Variants in MYO16 observed in about 807,000 individuals in gnomAD.
The protein encoded by MYO16 is myosin XVI.
In MYO16, 94 loss-of-function variants were observed where a neutral mutation model predicts 205.3. The observed-to-expected ratio is 0.46, with a 90% CI of 0.39 to 0.54. MYO16 has a LOEUF of 0.54. MYO16 is among the 20% of genes least tolerant of loss of function. The probability of loss-of-function intolerance (pLI) is 0.00; values close to 1 mark genes in which losing one functional copy is unlikely to be tolerated. For synonymous variants in MYO16, 988 were observed against 954.0 expected, an observed-to-expected ratio of 1.04 and a Z score of -0.66; for missense variants, 2,315 against 2,387.5, an observed-to-expected ratio of 0.97 and a Z score of 0.63.
At chr13:108,790,074 G>A (rs754416279) in intron 5 of MYO16, among the ~76,000 whole-genome samples, 1 of 152,154 alleles carries the variant, frequency 6.6e-6, no homozygotes, top group African/African-American at 2.4e-5. Context: ...CATAAGCAAA[G>A]GCAAGAAGGT....
chr13:108,740,728 C>G (rs1305383955), intron 4 of MYO16, among the ~76,000 whole-genome samples: 3 of 152,194 alleles, frequency 2.0e-5, no homozygotes, highest in East Asian at 1.9e-4. Context: ...GTCCTGCCCC[C>G]AGAGGTGGAG....
At chr13:108,588,314 C>T in the MYO16 span, among the ~76,000 whole-genome samples, 3 of 152,110 alleles carry the variant, frequency 2.0e-5, no homozygotes, top group African/African-American at 4.8e-5. Flanking sequence ...ACAAATGTGG[C>T]TATTTCCTAG....
rs558999738 is a variant in MYO16 at position 108,744,089 on chromosome 13, C to A, written c.507+16506C>A. ...TGTGGTAGAAAATCCCGGCCAAGCA[C>A]CTGAATATCAACTTTTCATGTAAAT... is the stretch of plus-strand genomic sequence containing the variant. On this transcript the variant is annotated intron_variant, in intron 4 of 34. Transcript: ENST00000457511. Among the ~76,000 whole-genome samples the A allele has an allele frequency of 9.2e-5, 14 of 152,298 alleles. No homozygotes were observed. The South Asian group carries it at 2.5e-3, about 27-fold the overall frequency.
At position 109,140,249 on chromosome 13, in the gene MYO16, C is replaced by G. The variant is rs1876978871; in HGVS notation, c.4052-15C>G. On this transcript the variant is annotated splice_polypyrimidine_tract_variant and intron_variant, in intron 31 of 34. Transcript: ENST00000457511. This position sits in a 1 kb window ranked among gnomAD's most constrained non-coding sequence, Gnocchi z 8.0. ...CTGGCCTGGCACCCACTGACCGCGT[C>G]CTTTCCTGCCGCAGCTCTGGCCCGG... is the stretch of plus-strand genomic sequence containing the variant. The G allele has an allele frequency of 3.8e-6, 6 of 1,597,596 alleles. No homozygotes were observed. The highest frequency in any genetic ancestry group is 4.5e-5 in the East Asian group (2 of 44,584).
intron 34 of MYO16, 36 bp downstream of exon 34, chr13:109,179,669 A>G (rs749010795): frequency 6.9e-5 from 105 of 1,514,808 alleles, no homozygotes; most frequent in East Asian, 2.3e-5. Context: ...TGCAGTGACA[A>G]ATGGAATTAA....
chr13:109,201,166 A>G (rs1442015052), intron 34 of MYO16, among the ~76,000 whole-genome samples: 1 of 152,066 alleles, frequency 6.6e-6, no homozygotes, highest in African/African-American at 2.4e-5. Flanking sequence ...TCACTGTTAC[A>G]TTAACTTTGA....
At chr13:108,753,740 C>T (rs1885328371) in intron 4 of MYO16, among the ~76,000 whole-genome samples, 1 of 152,108 alleles carries the variant, frequency 6.6e-6, no homozygotes, top group South Asian at 2.1e-4. Flanking sequence ...CTTTCTGGGC[C>T]ATCAGAATGA....
chr13:109,207,937 G>A lies in MYO16; in HGVS notation c.*1101G>A, dbSNP rs1161009706. 1 of 152,208 alleles carries A rather than the reference G, an allele frequency of 6.6e-6. No individual in the cohort carries two copies. Among genetic ancestry groups the A allele is most frequent in the Admixed American group, 6.5e-5 (1 of 15,280 alleles). The allele number at this position is 152,208 out of a possible 1,614,324, so 9.4% of individuals were successfully genotyped here. A position where few individuals can be genotyped will look rare whatever the true frequency, so the allele number is the denominator to read the frequency against. On this transcript the variant is annotated 3_prime_UTR_variant, in exon 35 of 35. Transcript: ENST00000457511. ...CCAGACCACCTTGTCTTGCTACTTG[G>A]AACTTTTTATTCATACCAGCCTTTG...
intron 17 of MYO16, among the ~76,000 whole-genome samples, chr13:108,959,976 G>GAAA (rs112435583): frequency 3.8e-4 from 48 of 126,632 alleles, no homozygotes; most frequent in African/African-American, 7.0e-4. Context: ...TGATTTAAAG[G>GAAA]AAAAAAAAAA....
chr13:108,900,088 A>G (rs1209418980), intron 15 of MYO16, among the ~76,000 whole-genome samples: 1 of 152,210 alleles, frequency 6.6e-6, no homozygotes, highest in Non-Finnish European at 1.5e-5. Context: ...CAAGAGGGAG[A>G]GAAAATAACT....
intron 1 of MYO16, among the ~76,000 whole-genome samples, chr13:108,655,154 T>C (rs1881186496): frequency 6.6e-6 from 1 of 152,224 alleles, no homozygotes; most frequent in Non-Finnish European, 1.5e-5. Context: ...CATAGGTCTT[T>C]ATGATAGCCG....
At chr13:109,099,293 T>C (rs1486226190) in intron 27 of MYO16, among the ~76,000 whole-genome samples, 1 of 152,104 alleles carries the variant, frequency 6.6e-6, no homozygotes, top group Admixed American at 6.5e-5. Flanking sequence ...TAGGCTAAAA[T>C]AAATATAAAA....
chr13:108,942,983 T>C (rs1882790116), intron 16 of MYO16, among the ~76,000 whole-genome samples: 1 of 152,198 alleles, frequency 6.6e-6, no homozygotes, highest in Non-Finnish European at 1.5e-5. Flanking sequence ...AACCTTGCTT[T>C]ATTCAGGTCT....
chr13:108,735,072 G>A (rs1380361407), intron 4 of MYO16, among the ~76,000 whole-genome samples: 2 of 152,120 alleles, frequency 1.3e-5, no homozygotes, highest in African/African-American at 2.4e-5. Flanking sequence ...AGTCTTGAGA[G>A]CCAAGATGTA....
intron 21 of MYO16, among the ~76,000 whole-genome samples, chr13:109,003,271 A>G (rs11618876): frequency 1.3e-5 from 2 of 152,350 alleles, no homozygotes; most frequent in Non-Finnish European, 2.9e-5. Flanking sequence ...GGTTTTACAC[A>G]TGAAGCTGGA....
intron 27 of MYO16, among the ~76,000 whole-genome samples, chr13:109,070,637 C>G (rs1887894775): frequency 6.6e-6 from 1 of 152,006 alleles, no homozygotes; most frequent in South Asian, 2.1e-4. Flanking sequence ...GTCTTTCTCC[C>G]CAAAAAAGCA....
chr13:108,978,730 T>C (rs1021533355), intron 20 of MYO16, among the ~76,000 whole-genome samples: 1 of 152,030 alleles, frequency 6.6e-6, no homozygotes, highest in African/African-American at 2.4e-5. Flanking sequence ...TTCTCTTTTC[T>C]TCCTCTGTTT....
chr13:108,771,172 T>A (rs942802276), intron 4 of MYO16, among the ~76,000 whole-genome samples: 2 of 152,236 alleles, frequency 1.3e-5, no homozygotes, highest in Admixed American at 6.5e-5. Flanking sequence ...TTTATCAGTC[T>A]ATGTCTATAT....
intron 23 of MYO16, among the ~76,000 whole-genome samples, chr13:109,038,512 C>T (rs1292643838): frequency 2.0e-5 from 3 of 152,090 alleles, no homozygotes; most frequent in East Asian, 1.9e-4. Flanking sequence ...GTCAGGCTTT[C>T]GAACTACCTT....
Sources: allele counts gnomAD v4.1 joint callset (sites outside exome capture counted in the v4.1 genomes callset), GRCh38; gene constraint gnomAD v4.1.1; non-coding constraint Gnocchi (gnomAD v3.1); transcripts MANE v1.5; gene names NCBI Gene and HGNC (gene_info 2026-07-23, HGNC 2026-07-21).